KAZN: variants seen among roughly 807,000 people sequenced by gnomAD.
KAZN encodes the protein kazrin, periplakin interacting protein.
A neutral mutation model predicts 87.4 loss-of-function variants in KAZN; 40 were observed. The observed-to-expected ratio is 0.46, with a 90% CI of 0.36 to 0.60. The LOEUF (loss-of-function observed/expected upper bound fraction) is 0.60. Among genes scored for constraint, KAZN ranks in the 20% least tolerant of loss-of-function variants. KAZN has a pLI of 0.00. For missense variants in KAZN, 898 were observed against 1,073.9 expected, an observed-to-expected ratio of 0.84 and a Z score of 2.29; for synonymous variants, 466 against 458.3, an observed-to-expected ratio of 1.02 and a Z score of -0.22.
intron 1 of KAZN, among the ~76,000 whole-genome samples, chr1:14,885,920 C>G (rs766521963): frequency 6.6e-6 from 1 of 152,090 alleles, no homozygotes; most frequent in Non-Finnish European, 1.5e-5. Context: ...CCATGATGTA[C>G]ATAGCCAGGT....
At chr1:13,969,084 A>C (rs4662062) in intron 1 of KAZN, among the ~76,000 whole-genome samples, 63,336 of 151,644 alleles carry the variant, frequency 0.42, 13,471 homozygotes, top group East Asian at 0.64. Flanking sequence ...AGTATATGCC[A>C]TGTGCCGAGG....
intron 1 of KAZN, among the ~76,000 whole-genome samples, chr1:14,163,527 A>G (rs1392559959): frequency 6.6e-6 from 1 of 152,016 alleles, no homozygotes; most frequent in Non-Finnish European, 1.5e-5. Context: ...AAACCCCACC[A>G]TTTTGCTTCT....
intron 1 of KAZN, among the ~76,000 whole-genome samples, chr1:14,025,577 G>A (rs1327618789): frequency 1.3e-5 from 2 of 152,052 alleles, no homozygotes; most frequent in Non-Finnish European, 2.9e-5. Flanking sequence ...TAAATTTGGA[G>A]AAACACTGAT....
At chr1:14,941,541 GT>G (rs1386543548) in intron 1 of KAZN, among the ~76,000 whole-genome samples, 1 of 117,744 alleles carries the variant, frequency 8.5e-6, no homozygotes, top group Non-Finnish European at 1.7e-5. Flanking sequence ...GGCAGCCTGG[GT>G]TGGGGGGTGG....
chr1:13,943,111 G>T (rs1641000225), intron 1 of KAZN, among the ~76,000 whole-genome samples: 1 of 152,184 alleles, frequency 6.6e-6, no homozygotes, highest in Non-Finnish European at 1.5e-5. Context: ...ATAGGCCCAA[G>T]AAGTTCTATA....
At chr1:14,980,773 G>A (rs1001376967) in intron 2 of KAZN, among the ~76,000 whole-genome samples, 1 of 152,154 alleles carries the variant, frequency 6.6e-6, no homozygotes, top group African/African-American at 2.4e-5. Flanking sequence ...CCGAGGCAGA[G>A]AAGGAAGTGG....
chr1:14,457,844 A>G (rs1381891186), intron 2 of KAZN, among the ~76,000 whole-genome samples: 3 of 149,418 alleles, frequency 2.0e-5, no homozygotes, highest in Admixed American at 2.0e-4. Context: ...TTGAAACGGA[A>G]TCTCGCTGTG....
chr1:14,164,988 C>T (rs1645794434), intron 1 of KAZN, among the ~76,000 whole-genome samples: 1 of 152,168 alleles, frequency 6.6e-6, no homozygotes, highest in South Asian at 2.1e-4. Flanking sequence ...GTCGGTCTTT[C>T]TATGAGGCAA....
chr1:14,875,295 C>G (rs539326587), intron 1 of KAZN, among the ~76,000 whole-genome samples: 1 of 140,888 alleles, frequency 7.1e-6, no homozygotes, highest in African/African-American at 2.7e-5. Flanking sequence ...CATGCCATTG[C>G]ACTCCATCCT....
At chr1:14,729,980 A>T (rs1342134945) in intron 1 of KAZN, among the ~76,000 whole-genome samples, 1 of 152,130 alleles carries the variant, frequency 6.6e-6, no homozygotes, top group Non-Finnish European at 1.5e-5. Flanking sequence ...ATTGTCTATC[A>T]CTGCTTTTGT....
intron 2 of KAZN, among the ~76,000 whole-genome samples, chr1:14,565,456 G>A (rs935255123): frequency 2.0e-5 from 3 of 152,146 alleles, no homozygotes; most frequent in Admixed American, 1.3e-4. Context: ...TCTTTTTGCT[G>A]TTGTAGGGCT....
At chr1:14,671,805 C>T (rs150016799) in intron 1 of KAZN, among the ~76,000 whole-genome samples, 8 of 152,262 alleles carry the variant, frequency 5.3e-5, no homozygotes, top group South Asian at 4.2e-4. Context: ...GTTCTTGCCC[C>T]GTATTTTTTG....
intron 2 of KAZN, among the ~76,000 whole-genome samples, chr1:14,254,949 C>T (rs913889321): frequency 2.4e-4 from 37 of 151,556 alleles, no homozygotes; most frequent in African/African-American, 9.0e-4. Context: ...GGTGAAACCC[C>T]GTCTCTACTA....
intron 1 of KAZN, among the ~76,000 whole-genome samples, chr1:14,028,532 C>T (rs1438328232): frequency 8.5e-5 from 13 of 152,174 alleles, no homozygotes. Flanking sequence ...GGAAGTCTGT[C>T]CACAGCCCAG....
chr1:14,662,651 G>A (rs1287703115), intron 1 of KAZN, among the ~76,000 whole-genome samples: 1 of 151,636 alleles, frequency 6.6e-6, no homozygotes, highest in African/African-American at 2.4e-5. Flanking sequence ...TTTTAATGGG[G>A]TGTGTGTGAG....
At position 14,471,604 on chromosome 1, in the gene KAZN, A is replaced by C. The variant is rs12733165; in HGVS notation, c.250-127379A>C. On this transcript the variant is annotated intron_variant, in intron 2 of 16. Coordinates refer to the KAZN transcript ENST00000636203. ...AGACAGTCTATGTACCCAGACCACCATGTACCCAAGTACGTGCCAGGGAAT... is the reference window on the plus strand; with the variant it reads ...AGACAGTCTATGTACCCAGACCACCCTGTACCCAAGTACGTGCCAGGGAAT... Among the ~76,000 whole-genome samples the C allele has an allele frequency of 5.6e-3, 850 of 152,294 alleles. 6 individuals are homozygous for C. The highest frequency in any genetic ancestry group is 0.017 in the Middle Eastern group (5 of 294).
At chr1:13,966,078 G>A (rs761880186) in intron 1 of KAZN, among the ~76,000 whole-genome samples, 8 of 152,100 alleles carry the variant, frequency 5.3e-5, no homozygotes, top group South Asian at 2.1e-4. Context: ...CCGTAACACC[G>A]AGGTGGGCCT....
At chr1:14,580,649 AG>A (rs766306426) in intron 2 of KAZN, among the ~76,000 whole-genome samples, 2 of 152,076 alleles carry the variant, frequency 1.3e-5, no homozygotes, top group African/African-American at 4.8e-5. Context: ...TTAGGAGAAA[AG>A]GGACTAACAT....
intron 2 of KAZN, among the ~76,000 whole-genome samples, chr1:14,969,599 T>A (rs1226896683): frequency 6.6e-6 from 1 of 152,240 alleles, no homozygotes; most frequent in Non-Finnish European, 1.5e-5. Flanking sequence ...TAAATATTGT[T>A]AACAGATCCC....
Sources: allele counts gnomAD v4.1 joint callset (sites outside exome capture counted in the v4.1 genomes callset), GRCh38; gene constraint gnomAD v4.1.1; transcripts MANE v1.5; gene names NCBI Gene and HGNC (gene_info 2026-07-23, HGNC 2026-07-21).